FOXJ3: variants seen among roughly 807,000 people sequenced by gnomAD.
FOXJ3 encodes forkhead box J3.
FOXJ3 carries 22 observed loss-of-function variants against 76.1 expected under a neutral mutation model. The observed-to-expected ratio is 0.29, with a 90% CI of 0.21 to 0.41. The LOEUF (loss-of-function observed/expected upper bound fraction) is 0.41, where lower values mean the gene tolerates loss of function less well. Ranked by LOEUF, FOXJ3 falls within the 10% of genes least tolerant of loss-of-function variation. The pLI is 1.00. For synonymous variants in FOXJ3, 269 were observed against 261.2 expected (o/e 1.03, Z -0.29); for missense variants, 613 against 762.1 (o/e 0.80, Z 2.30).
intron 5 of FOXJ3, among the ~76,000 whole-genome samples, chr1:42,212,968 A>C (rs1169304505): frequency 1.4e-5 from 2 of 143,514 alleles, no homozygotes; most frequent in African/African-American, 2.9e-5. Flanking sequence ...AAAAAAAAAA[A>C]AAACAAAAAA....
chr1:42,207,004 T>C (rs1331835207), intron 5 of FOXJ3, among the ~76,000 whole-genome samples: 3 of 152,096 alleles, frequency 2.0e-5, no homozygotes, highest in African/African-American at 7.2e-5. Context: ...CTAATTTTTG[T>C]ACTTTTAGTA....
intron 4 of FOXJ3, among the ~76,000 whole-genome samples, chr1:42,229,333 T>G (rs969663586): frequency 6.6e-6 from 1 of 152,218 alleles, no homozygotes; most frequent in Non-Finnish European, 1.5e-5. Flanking sequence ...TAGGGACTAT[T>G]TTACTCGTTT....
At chr1:42,283,619 T>C (rs1041393884) in intron 2 of FOXJ3, among the ~76,000 whole-genome samples, 2 of 152,222 alleles carry the variant, frequency 1.3e-5, no homozygotes, top group African/African-American at 4.8e-5. Flanking sequence ...TCCCACTTCA[T>C]TCCCGGCACA....
intron 5 of FOXJ3, among the ~76,000 whole-genome samples, chr1:42,216,294 G>A (rs576306408): frequency 3.5e-3 from 528 of 151,862 alleles, no homozygotes; most frequent in African/African-American, 0.012. Context: ...CGAGGCGGGC[G>A]GATCACGAGG....
intron 4 of FOXJ3, among the ~76,000 whole-genome samples, chr1:42,256,395 A>AT (rs1225488163): frequency 2.0e-5 from 3 of 152,190 alleles, no homozygotes; most frequent in African/African-American, 7.2e-5. Flanking sequence ...ATGACAACCA[A>AT]TTTTTTCTAA....
At chr1:42,237,959 CAT>C (rs1187302411) in intron 4 of FOXJ3, among the ~76,000 whole-genome samples, 19 of 151,746 alleles carry the variant, frequency 1.3e-4, no homozygotes, top group Admixed American at 1.1e-3. Flanking sequence ...GACACACACA[CAT>C]ATATATATGA....
intron 2 of FOXJ3, among the ~76,000 whole-genome samples, chr1:42,310,501 G>A (rs1241621078): frequency 4.7e-5 from 7 of 149,372 alleles, no homozygotes; most frequent in Non-Finnish European, 5.9e-5. Flanking sequence ...AGGCTGGAGT[G>A]CAGTGGCACG....
intron 5 of FOXJ3, among the ~76,000 whole-genome samples, chr1:42,208,743 T>TA (rs1646908168): frequency 1.3e-5 from 2 of 152,194 alleles, no homozygotes. Context: ...ATGATGGGGT[T>TA]ACGTCCCAAT....
At chr1:42,326,786 C>T (rs945551014) in intron 1 of FOXJ3, among the ~76,000 whole-genome samples, 2 of 152,176 alleles carry the variant, frequency 1.3e-5, no homozygotes, top group African/African-American at 4.8e-5. Context: ...ATATGTTCTG[C>T]TCCAAGTAGG....
chr1:42,317,686 A>G (rs1655201055), intron 1 of FOXJ3, among the ~76,000 whole-genome samples: 1 of 152,094 alleles, frequency 6.6e-6, no homozygotes, highest in Non-Finnish European at 1.5e-5. Flanking sequence ...GTTTTGTGGA[A>G]TAGTGAAGGC....
chr1:42,332,190 T>G (rs1456565428), intron 1 of FOXJ3, among the ~76,000 whole-genome samples: 1 of 152,200 alleles, frequency 6.6e-6, no homozygotes, highest in Non-Finnish European at 1.5e-5. Flanking sequence ...TTAGCCTATT[T>G]CAAGACCCAA....
intron 11 of FOXJ3, 23 bp from the exon 12 acceptor site, chr1:42,182,047 G>A: frequency 2.9e-6 from 4 of 1,368,698 alleles, no homozygotes; most frequent in Non-Finnish European, 4.1e-6. Context: ...AAAGCAGAAA[G>A]AGGGAAAACA....
chr1:42,279,883 G>C (rs1254585920), intron 2 of FOXJ3, among the ~76,000 whole-genome samples: 1 of 151,980 alleles, frequency 6.6e-6, no homozygotes, highest in Non-Finnish European at 1.5e-5. Context: ...ATCCCATATA[G>C]CCCCTTCATT....
chr1:42,205,739 AAT>A (rs759243409), intron 6 of FOXJ3, 21 bp downstream of exon 6: 2 of 1,288,302 alleles, frequency 1.6e-6, no homozygotes, highest in South Asian at 2.4e-5. Flanking sequence ...ACATTTCAAT[AAT>A]GTTTAAAAAA....
chr1:42,199,517 T>C (rs1470774688), intron 6 of FOXJ3, among the ~76,000 whole-genome samples: 1 of 152,166 alleles, frequency 6.6e-6, no homozygotes, highest in Non-Finnish European at 1.5e-5. Context: ...GAGAGGAATA[T>C]AACAGATTTT....
intron 2 of FOXJ3, among the ~76,000 whole-genome samples, chr1:42,305,848 A>G (rs1654426666): frequency 1.3e-5 from 2 of 152,232 alleles, no homozygotes; most frequent in African/African-American, 4.8e-5. Context: ...ACATTTTTAA[A>G]TAACTAAAAG....
intron 1 of FOXJ3, among the ~76,000 whole-genome samples, chr1:42,316,333 C>CTTTTTTTTTTTTTTTTTTT (rs71065173): frequency 1.4e-4 from 10 of 73,906 alleles, no homozygotes; most frequent in East Asian, 3.9e-4. Flanking sequence ...TGCATTGGGC[C>CTTTTTTTTTTTTTTTTTTT]TTTTTTTTTT....
At chr1:42,230,350 G>C (rs896957747) in intron 4 of FOXJ3, among the ~76,000 whole-genome samples, 1 of 151,996 alleles carries the variant, frequency 6.6e-6, no homozygotes. Flanking sequence ...ACAGAAAATA[G>C]CAGGTACAGG....
chr1:42,193,625 T>C (rs572245859), intron 8 of FOXJ3, among the ~76,000 whole-genome samples: 1 of 152,262 alleles, frequency 6.6e-6, no homozygotes, highest in African/African-American at 2.4e-5. Context: ...AAAAGCCATT[T>C]CACACACACA....
Sources: gnomAD v4.1 joint callset for allele counts (sites outside exome capture counted in the v4.1 genomes callset) on GRCh38, gnomAD v4.1.1 for gene constraint, MANE v1.5 for transcripts, NCBI Gene and HGNC (gene_info 2026-07-23, HGNC 2026-07-21) for gene names.